ADAM28: variants seen among roughly 807,000 people sequenced by gnomAD.
ADAM28 encodes ADAM metallopeptidase domain 28.
In ADAM28, 105 loss-of-function variants were observed where a neutral mutation model predicts 101.2. That is an observed-to-expected ratio of 1.04 (90% confidence interval 0.89 to 1.22). ADAM28 has a LOEUF of 1.22. Ranked by LOEUF, ADAM28 falls within the 50% of genes most tolerant of loss-of-function variation. The probability of loss-of-function intolerance (pLI) is 0.00; values close to 1 mark genes in which losing one functional copy is unlikely to be tolerated. For missense variants in ADAM28, 1,028 were observed against 945.4 expected, an observed-to-expected ratio of 1.09 and a Z score of -1.15; for synonymous variants, 322 against 310.6, an observed-to-expected ratio of 1.04 and a Z score of -0.39.
chr8:24,326,540 T>A lies in ADAM28; in HGVS notation c.891-14T>A. ...CATTATAATTTGTTACATCAATTTA[T>A]TCCTTTCTTGCAGAGCAACAGAACT... On this transcript the variant is annotated splice_polypyrimidine_tract_variant and intron_variant, in intron 9 of 22. Coordinates refer to ENST00000265769, the MANE Select transcript of ADAM28 (RefSeq NM_014265.6). 1 of 1,609,688 alleles carries A rather than the reference T, an allele frequency of 6.2e-7. No individual in the cohort carries two copies. The highest frequency in any genetic ancestry group is 8.5e-7 in the Non-Finnish European group (1 of 1,177,028).
intron 15 of ADAM28, among the ~76,000 whole-genome samples, chr8:24,340,584 C>T (rs1054635679): frequency 1.3e-5 from 2 of 152,128 alleles, no homozygotes; most frequent in Non-Finnish European, 2.9e-5. Context: ...AGTTTCTGTG[C>T]TCTAGTGGCT....
chr8:24,350,986 C>A (rs1001217792), intron 19 of ADAM28, among the ~76,000 whole-genome samples: 34 of 150,822 alleles, frequency 2.3e-4, no homozygotes, highest in African/African-American at 8.1e-4. Flanking sequence ...AATTTGGATT[C>A]AACACTATCA....
chr8:24,354,246 C>T (rs1011959774), intron 22 of ADAM28, 138 bp from the exon 23 acceptor site: 15 of 708,520 alleles, frequency 2.1e-5, no homozygotes, highest in African/African-American at 1.3e-4. Flanking sequence ...TCTACTTCTT[C>T]GTTTTTGCTG....
intron 18 of ADAM28, 83 bp from the exon 19 acceptor site, chr8:24,349,781 T>C: frequency 9.6e-7 from 1 of 1,041,174 alleles, no homozygotes; most frequent in Middle Eastern, 2.7e-4. Flanking sequence ...CTGGAATATG[T>C]GCTAAGTAAA....
intron 1 of ADAM28, chr8:24,295,946 C>G (rs1019183930): frequency 6.6e-6 from 1 of 152,198 alleles, no homozygotes; most frequent in African/African-American, 2.4e-5. Context: ...CTGACCATGA[C>G]TTCTGCCCAG....
chr8:24,333,885 C>G (rs147253230), intron 13 of ADAM28, among the ~76,000 whole-genome samples: 4 of 152,212 alleles, frequency 2.6e-5, no homozygotes, highest in African/African-American at 9.6e-5. Context: ...CAGATTGACT[C>G]CTAAGGCCAG....
chr8:24,332,366 A>T (rs955159423), intron 12 of ADAM28, among the ~76,000 whole-genome samples: 1 of 152,206 alleles, frequency 6.6e-6, no homozygotes, highest in Non-Finnish European at 1.5e-5. Context: ...TCTTATTTCA[A>T]GAACTGTGTT....
intron 11 of ADAM28, 148 bp from the exon 12 acceptor site, chr8:24,331,002 C>A: frequency 1.4e-6 from 1 of 691,032 alleles, no homozygotes; most frequent in East Asian, 2.9e-5. Context: ...TTCGGGCATG[C>A]AAATGAGCTC....
chr8:24,305,315 G>A (rs950985961), intron 2 of ADAM28, among the ~76,000 whole-genome samples: 3 of 151,914 alleles, frequency 2.0e-5, no homozygotes, highest in African/African-American at 7.3e-5. Flanking sequence ...ATTTTAAAAA[G>A]AAATGTTGAT....
At chr8:24,296,360 C>T (rs1024721443) in intron 1 of ADAM28, 1 of 152,078 alleles carries the variant, frequency 6.6e-6, no homozygotes, top group Non-Finnish European at 1.5e-5. Context: ...AAGTTTAAAA[C>T]CACAAGATGG....
At chr8:24,351,609 C>A in intron 20 of ADAM28, 1 of 501,510 alleles carries the variant, frequency 2.0e-6, no homozygotes, top group East Asian at 3.7e-5. Context: ...CACACACACT[C>A]CCTCTAGCTT....
At position 24,342,914 on chromosome 8, in the gene ADAM28, C is replaced by T. The variant is rs568249404; in HGVS notation, c.1831-187C>T. 3.9e-4 allele frequency: 397 copies of T among 1,007,706 alleles called. 2 individuals carry two copies. Among genetic ancestry groups the T allele is most frequent in the Non-Finnish European group, 5.0e-4 (367 of 729,776 alleles). 62.4% of individuals were successfully genotyped at this position (1,007,706 alleles called of 1,614,324 possible). A position where few individuals can be genotyped will look rare whatever the true frequency, so the allele number is the denominator to read the frequency against. On this transcript the variant is annotated intron_variant, in intron 16 of 22. Coordinates refer to ENST00000265769, the MANE Select transcript of ADAM28 (RefSeq NM_014265.6). ...TAAATTCTTAGATAGACTTTATCAA[C>T]CTTTTTGGGTTGGTTTAACTAAGAG...
intron 9 of ADAM28, chr8:24,325,090 G>A (rs1424069564): frequency 6.6e-6 from 1 of 151,958 alleles, no homozygotes; most frequent in African/African-American, 2.4e-5. Flanking sequence ...ATTTGGAAAG[G>A]TGAGTTTTAG....
Position 24,351,325 on chromosome 8 carries a change from C to T in ADAM28, c.2178+15C>T. ...AACCCCAAGAGGTGAACTATATAGT[C>T]TGGGCTGTGATTACCATGGCCCCAC... On this transcript the variant is annotated intron_variant, in intron 20 of 22. Coordinates refer to ENST00000265769, the MANE Select transcript of ADAM28 (RefSeq NM_014265.6). 3 of 1,610,840 alleles carry T rather than the reference C, an allele frequency of 1.9e-6. No homozygotes were observed. The highest frequency in any genetic ancestry group is 2.5e-6 in the Non-Finnish European group (3 of 1,177,146).
chr8:24,328,500 C>T lies in ADAM28; in HGVS notation c.973-1485C>T, dbSNP rs370060530. Among the ~76,000 whole-genome samples the T allele has an allele frequency of 1.8e-4, 27 of 151,998 alleles. No homozygotes were observed. In the East Asian group the frequency reaches 5.0e-3, roughly 28 times the overall value. On this transcript the variant is annotated intron_variant, in intron 10 of 22. Coordinates refer to ENST00000265769, the MANE Select transcript of ADAM28 (RefSeq NM_014265.6). ...ATATTTTCAAACTTGAAATAGCTTG[C>T]CATAAAATTGGAAGAGAAACTGGCC... is the stretch of plus-strand genomic sequence containing the variant.
chr8:24,349,411 G>T (rs1327419206), intron 18 of ADAM28, among the ~76,000 whole-genome samples: 1 of 152,108 alleles, frequency 6.6e-6, no homozygotes, highest in African/African-American at 2.4e-5. Flanking sequence ...TGGAACACTC[G>T]ATTATTTGTC....
intron 1 of ADAM28, among the ~76,000 whole-genome samples, chr8:24,297,166 T>TTTTTG (rs372552443): frequency 0.016 from 2,372 of 151,740 alleles, 71 homozygotes; most frequent in African/African-American, 0.054. Context: ...TGGGTTTTTT[T>TTTTTG]TTGTTGTTGT....
intron 22 of ADAM28, 143 bp downstream of exon 22, chr8:24,353,975 T>C: frequency 1.8e-6 from 1 of 561,236 alleles, no homozygotes; most frequent in Non-Finnish European, 3.1e-6. Flanking sequence ...ATGAAAGTCT[T>C]ATTTCTCGGT....
intron 9 of ADAM28, among the ~76,000 whole-genome samples, chr8:24,325,319 G>C (rs906524471): frequency 6.6e-6 from 1 of 151,914 alleles, no homozygotes; most frequent in African/African-American, 2.4e-5. Flanking sequence ...ATAAAGATAC[G>C]ATGAAAGGAA....
Sources: allele counts gnomAD v4.1 joint callset (sites outside exome capture counted in the v4.1 genomes callset), GRCh38; gene constraint gnomAD v4.1.1; transcripts MANE v1.5; gene names NCBI Gene and HGNC (gene_info 2026-07-23, HGNC 2026-07-21).